TAF1A: variants seen among roughly 807,000 people sequenced by gnomAD.
TAF1A encodes TATA box-binding protein-associated factor RNA polymerase I subunit A.
A neutral mutation model predicts 61.6 loss-of-function variants in TAF1A; 42 were observed. The ratio of observed to expected loss-of-function variants is 0.68; its 90% CI spans 0.53 to 0.88. TAF1A has a LOEUF of 0.88. Ranked by LOEUF, TAF1A falls within the 40% of genes least tolerant of loss-of-function variation. TAF1A has a pLI of 0.00. For synonymous variants in TAF1A, 179 were observed against 177.7 expected (o/e 1.01, Z -0.06); for missense variants, 424 against 518.7 (o/e 0.82, Z 1.77).
At chr1:222,556,823 G>A (rs1470017388), downstream of TAF1A, among the ~76,000 whole-genome samples, 1 of 152,150 alleles carries the variant, frequency 6.6e-6, no homozygotes, top group East Asian at 1.9e-4. Flanking sequence ...TTGACTAAAA[G>A]TTTCAGGAAG....
intron 2 of TAF1A, among the ~76,000 whole-genome samples, chr1:222,587,624 T>C (rs1571834799): frequency 6.6e-6 from 1 of 152,200 alleles, no homozygotes; most frequent in Admixed American, 6.5e-5. Flanking sequence ...TTTATACTTA[T>C]ATTAAATATA....
At chr1:222,579,653 T>C (rs1660705871) in intron 4 of TAF1A, 106 bp downstream of exon 4, 4 of 1,341,996 alleles carry the variant, frequency 3.0e-6, no homozygotes, top group Non-Finnish European at 3.1e-6. Flanking sequence ...CAGAATGTCT[T>C]ATCCTTGTCC....
In TAF1A at chr1:222,568,248, T is replaced by TA. The variant is rs1244819566; in HGVS notation, c.894+1261dup. On this transcript the variant is annotated intron_variant, in intron 7 of 10. Coordinates refer to ENST00000352967, the MANE Select transcript of TAF1A (RefSeq NM_005681.4). Reference sequence around the variant, plus strand: ...CAAATATTTCTTAGACAAAAAGCACTAACCATAAAAGAAAAAAAAATGTAC... The same window carrying TA: ...CAAATATTTCTTAGACAAAAAGCACTAAACCATAAAAGAAAAAAAAATGTAC... Among the ~76,000 whole-genome samples, 8 of 147,474 alleles carry TA rather than the reference T, an allele frequency of 5.4e-5. No homozygotes were observed. The East Asian group carries it at 1.4e-3, about 25-fold the overall frequency.
At chr1:222,574,421 T>A (rs1660487348) in intron 5 of TAF1A, among the ~76,000 whole-genome samples, 6 of 152,132 alleles carry the variant, frequency 3.9e-5, no homozygotes. Flanking sequence ...ATTGGTAACC[T>A]CTTTGGAAAG....
At chr1:222,580,424 C>T (rs957049227) in intron 3 of TAF1A, among the ~76,000 whole-genome samples, 4 of 152,110 alleles carry the variant, frequency 2.6e-5, no homozygotes, top group Non-Finnish European at 4.4e-5. Context: ...AAAACTTTGG[C>T]GGCAGAACTT....
intron 5 of TAF1A, 97 bp from the exon 6 acceptor site, chr1:222,570,762 G>T: frequency 8.6e-7 from 1 of 1,158,336 alleles, no homozygotes; most frequent in Non-Finnish European, 1.2e-6. Context: ...AAACTCAGTT[G>T]CTGATAGCTA....
At chr1:222,567,225 T>C (rs1660151866) in intron 7 of TAF1A, among the ~76,000 whole-genome samples, 1 of 152,198 alleles carries the variant, frequency 6.6e-6, no homozygotes, top group Admixed American at 6.5e-5. Context: ...TGATTCCACT[T>C]ATATGAGGTA....
chr1:222,587,338 T>C (rs1192357765), intron 2 of TAF1A, among the ~76,000 whole-genome samples: 1 of 152,204 alleles, frequency 6.6e-6, no homozygotes, highest in Non-Finnish European at 1.5e-5. Flanking sequence ...TGATACCACT[T>C]AAGAGTTTAA....
rs145673897 is a variant in TAF1A, at chr1:222,572,506, C to T, written c.605-1841G>A. On this transcript the variant is annotated intron_variant, in intron 5 of 10. Coordinates refer to ENST00000352967, the MANE Select transcript of TAF1A (RefSeq NM_005681.4). ...TCAAGTAGCCAGGACTACAGGCACA[C>T]GCTACCACACTCAGCTAATTTTTGT... is the stretch of plus-strand genomic sequence containing the variant. 4.3e-4 allele frequency among the ~76,000 whole-genome samples: 66 copies of T among 152,206 alleles called. 1 individual carries two copies. Among genetic ancestry groups the T allele is most frequent in the Non-Finnish European group, 7.6e-4 (52 of 68,006 alleles).
chr1:222,572,708 T>G (rs897608690), intron 5 of TAF1A, among the ~76,000 whole-genome samples: 2 of 151,722 alleles, frequency 1.3e-5, no homozygotes, highest in East Asian at 1.9e-4. Flanking sequence ...GGGAAAATAA[T>G]AGACTTTTCA....
chr1:222,561,709 C>G (rs1659923966), intron 9 of TAF1A, among the ~76,000 whole-genome samples, 191 bp from the exon 10 acceptor site: 1 of 152,200 alleles, frequency 6.6e-6, no homozygotes, highest in Non-Finnish European at 1.5e-5. Flanking sequence ...TCTCTTCCAT[C>G]TCCATATCCC....
intron 5 of TAF1A, among the ~76,000 whole-genome samples, chr1:222,574,734 ATACAG>A (rs1660498396): frequency 6.6e-6 from 1 of 152,246 alleles, no homozygotes. Flanking sequence ...AAAAGAATAT[ATACAG>A]TACAACTCCA....
intron 2 of TAF1A, among the ~76,000 whole-genome samples, chr1:222,587,078 A>C (rs901157268): frequency 1.6e-4 from 25 of 152,220 alleles, no homozygotes; most frequent in African/African-American, 4.3e-4. Flanking sequence ...AATTTAAATT[A>C]CTAGTTTGTT....
Position 222,558,557 on chromosome 1 carries a change from G to A in TAF1A, c.*103C>T, listed in dbSNP as rs1659791770. The A allele has an allele frequency of 2.2e-6, 1 of 445,348 alleles. No individual in the cohort carries two copies. The highest frequency in any genetic ancestry group is 3.8e-6 in the Non-Finnish European group (1 of 262,286). The allele number at this position is 445,348 out of a possible 1,614,324, so 27.6% of individuals were successfully genotyped here. ...AAAAATATATAAAAATAAGTTTTTT[G>A]TAGTAATATAAGCTTCTTAATACAC... On this transcript the variant is annotated 3_prime_UTR_variant, in exon 11 of 11. Coordinates refer to ENST00000352967, the MANE Select transcript of TAF1A (RefSeq NM_005681.4).
chr1:222,557,446 G>A (rs1373260931), downstream of TAF1A, among the ~76,000 whole-genome samples: 1 of 151,986 alleles, frequency 6.6e-6, no homozygotes, highest in Non-Finnish European at 1.5e-5. Flanking sequence ...AAAAGGAGAG[G>A]GGATGCGTGA....
chr1:222,557,630 T>C (rs112752862), downstream of TAF1A, among the ~76,000 whole-genome samples: 3,720 of 151,536 alleles, frequency 0.025, 117 homozygotes, highest in African/African-American at 0.081. Context: ...TTTTTTTTGG[T>C]ATTTTTAGTA....
downstream of TAF1A, among the ~76,000 whole-genome samples, chr1:222,557,488 G>A (rs1159217085): frequency 6.6e-6 from 1 of 152,142 alleles, no homozygotes; most frequent in Non-Finnish European, 1.5e-5. Flanking sequence ...GTCTCGCTCT[G>A]TCACCAGGCT....
chr1:222,571,491 C>G lies in TAF1A; in HGVS notation c.605-826G>C, dbSNP rs79922876. 3.7e-3 allele frequency among the ~76,000 whole-genome samples: 563 copies of G among 151,942 alleles called. 3 individuals are homozygous for G. Among genetic ancestry groups the G allele is most frequent in the African/African-American group, 0.013 (541 of 41,458 alleles). ...TTGTACACAGAAAAATCCTAAGAACCCACTAAAAATTTACTGAACTAATAA... is the reference window on the plus strand; with the variant it reads ...TTGTACACAGAAAAATCCTAAGAACGCACTAAAAATTTACTGAACTAATAA... On this transcript the variant is annotated intron_variant, in intron 5 of 10. Coordinates refer to ENST00000352967, the MANE Select transcript of TAF1A (RefSeq NM_005681.4).
At chr1:222,560,907 A>AT (rs960768200) in intron 10 of TAF1A, among the ~76,000 whole-genome samples, 1 of 152,134 alleles carries the variant, frequency 6.6e-6, no homozygotes, top group Admixed American at 6.5e-5. Context: ...TTTGAAGAGA[A>AT]TTTTTTTCAT....
Sources: gnomAD v4.1 joint callset for allele counts (sites outside exome capture counted in the v4.1 genomes callset) on GRCh38, gnomAD v4.1.1 for gene constraint, MANE v1.5 for transcripts, NCBI Gene and HGNC (gene_info 2026-07-23, HGNC 2026-07-21) for gene names.